NCOA3: variants seen among roughly 807,000 people sequenced by gnomAD.
NCOA3 encodes the protein CBP-interacting protein.
A neutral mutation model predicts 158.8 loss-of-function variants in NCOA3; 51 were observed. That is an observed-to-expected ratio of 0.32 (90% CI 0.26 to 0.41). The LOEUF is 0.41. NCOA3 is among the 10% of genes least tolerant of loss of function. The pLI is 1.00. For missense variants in NCOA3, 1,510 were observed against 1,746.6 expected, an observed-to-expected ratio of 0.86 and a Z score of 2.41; for synonymous variants, 537 against 592.4, an observed-to-expected ratio of 0.91 and a Z score of 1.36.
chr20:47,603,249 T>A (rs1042439291), intron 2 of NCOA3, among the ~76,000 whole-genome samples: 6 of 152,250 alleles, frequency 3.9e-5, no homozygotes, highest in African/African-American at 2.4e-5. Context: ...TTTAGACAAT[T>A]TGCTTAATTT....
chr20:47,605,700 T>C (rs1381362327), intron 2 of NCOA3, among the ~76,000 whole-genome samples: 1 of 152,204 alleles, frequency 6.6e-6, no homozygotes. Context: ...CATGGAGTTA[T>C]TAATTTATTG....
chr20:47,519,083 C>T (rs895514692), intron 1 of NCOA3, among the ~76,000 whole-genome samples: 1 of 151,268 alleles, frequency 6.6e-6, no homozygotes, highest in Non-Finnish European at 1.5e-5. Context: ...TTGCAGTGAG[C>T]CGAGATTGTG....
Position 47,653,069 on chromosome 20 carries a change from T to A in NCOA3, c.4260T>A (p.Asp1420Glu). The A allele has an allele frequency of 6.2e-7, 1 of 1,614,236 alleles. No homozygotes were observed. ...TGTCTGGCATGCCTATGGGTCCTGA[T>A]CAGGTATGGGATCGATTCCTTACCT... Reference protein sequence around the residue: ...MPMSGMPMGPDQKYC With the variant: ...MPMSGMPMGPEQKYC Residue 1420 changes from aspartate to glutamate, a missense_variant, in exon 22 of 23, where the codon GAT becomes GAA. Physicochemically the swap from Asp to Glu is conservative, Grantham distance 45 (BLOSUM62 2). Transcript: ENST00000371998.
chr20:47,577,939 T>C (rs2085396885), intron 1 of NCOA3, among the ~76,000 whole-genome samples: 1 of 152,356 alleles, frequency 6.6e-6, no homozygotes, highest in Middle Eastern at 3.4e-3. Context: ...TGGTAATACC[T>C]GTCTTTATTT....
At chr20:47,653,278 A>G (rs906696159) in intron 22 of NCOA3, 128 bp from the exon 23 acceptor site, 11 of 1,270,946 alleles carry the variant, frequency 8.7e-6, no homozygotes, top group Non-Finnish European at 1.1e-5. Flanking sequence ...ATGGGATCTC[A>G]GGAACCTGAA....
intron 1 of NCOA3, among the ~76,000 whole-genome samples, chr20:47,553,572 C>T (rs1349396894): frequency 7.7e-5 from 11 of 143,108 alleles, no homozygotes; most frequent in East Asian, 6.2e-4. Flanking sequence ...CAACAGTCCC[C>T]GGTGTGTGAT....
chr20:47,537,556 T>C (rs1304764721), intron 1 of NCOA3, among the ~76,000 whole-genome samples: 1 of 151,632 alleles, frequency 6.6e-6, no homozygotes, highest in African/African-American at 2.4e-5. Context: ...AATGACCACC[T>C]ATAAAAACCA....
chr20:47,646,251 A>AT (rs2086684180), intron 17 of NCOA3, among the ~76,000 whole-genome samples: 1 of 152,230 alleles, frequency 6.6e-6, no homozygotes, highest in Non-Finnish European at 1.5e-5. Flanking sequence ...TTAGGGAATT[A>AT]TTATAAGAAG....
chr20:47,530,644 T>C (rs2084530189), intron 1 of NCOA3, among the ~76,000 whole-genome samples: 1 of 152,044 alleles, frequency 6.6e-6, no homozygotes, highest in African/African-American at 2.4e-5. Flanking sequence ...TGTATTTTTT[T>C]AGTAGAGACA....
chr20:47,505,017 T>TTTTTTG (rs2084006800), intron 1 of NCOA3, among the ~76,000 whole-genome samples: 1 of 123,292 alleles, frequency 8.1e-6, no homozygotes, highest in Non-Finnish European at 1.7e-5. Flanking sequence ...TTTTTTTTTT[T>TTTTTTG]TTTTTTTTTT....
intron 1 of NCOA3, among the ~76,000 whole-genome samples, chr20:47,568,630 A>G (rs2085239253): frequency 2.0e-5 from 3 of 152,038 alleles, no homozygotes; most frequent in African/African-American, 2.4e-5. Context: ...ATCTCTACCA[A>G]AACGATGTAA....
intron 1 of NCOA3, among the ~76,000 whole-genome samples, chr20:47,558,075 G>C (rs1041313503): frequency 2.2e-5 from 2 of 89,752 alleles, no homozygotes; most frequent in African/African-American, 8.7e-5. Flanking sequence ...TTTTTTTTTT[G>C]AGATGGAGTC....
At chr20:47,621,688 C>T (rs1218249519) in intron 2 of NCOA3, among the ~76,000 whole-genome samples, 1 of 110,988 alleles carries the variant, frequency 9.0e-6, no homozygotes, top group Non-Finnish European at 1.8e-5. Context: ...GAGTCTAGCT[C>T]TTGTCACCCA....
At chr20:47,519,003 A>T (rs1277834422) in intron 1 of NCOA3, among the ~76,000 whole-genome samples, 1 of 151,416 alleles carries the variant, frequency 6.6e-6, no homozygotes, top group Non-Finnish European at 1.5e-5. Flanking sequence ...GGGCGTGGTG[A>T]CGGGCACCTG....
Position 47,655,312 on chromosome 20 carries a change from A to G in NCOA3, c.*1895A>G, listed in dbSNP as rs1031763929. 1.3e-5 allele frequency: 2 copies of G among 152,214 alleles called. No homozygotes were observed. The highest frequency in any genetic ancestry group is 4.8e-5 in the African/African-American group (2 of 41,454). 9.4% of individuals were successfully genotyped at this position (152,214 alleles called of 1,614,324 possible). On this transcript the variant is annotated 3_prime_UTR_variant, in exon 23 of 23. Transcript: ENST00000371998. ...GGAATTGGGTTTCTGAATGTCTGTG[A>G]ATTTCAGAGGTCTCTGCTAGCCTTG...
chr20:47,572,527 T>C (rs545737043), intron 1 of NCOA3, among the ~76,000 whole-genome samples: 142 of 151,966 alleles, frequency 9.3e-4, no homozygotes, highest in Middle Eastern at 3.4e-3. Context: ...TAATCATTTC[T>C]AGCCCCCCCC....
Position 47,639,756 on chromosome 20 carries a change from C to T in NCOA3, c.2887C>T (p.Leu963Phe), listed in dbSNP as rs188628967. 3 of 1,614,204 alleles carry T rather than the reference C, an allele frequency of 1.9e-6. No homozygotes were observed. Residue 963 changes from leucine to phenylalanine, a missense_variant, in exon 15 of 23, where the codon CTT (leucine) becomes TTT (phenylalanine). Physicochemically the swap from Leu to Phe is conservative, Grantham distance 22. Coordinates refer to ENST00000371998, the MANE Select transcript of NCOA3 (RefSeq NM_181659.3). ...ALGGSIPTLP[L>F]RSNSIPGARP... ...GGGTGGCTCTATTCCCACATTGCCT[C>T]TTCGGTCTAATAGCATACCAGGTGC...
At chr20:47,537,173 A>T (rs1381145418) in intron 1 of NCOA3, among the ~76,000 whole-genome samples, 1 of 152,180 alleles carries the variant, frequency 6.6e-6, no homozygotes, top group Non-Finnish European at 1.5e-5. Context: ...AGGATATGCT[A>T]TCTATCCATA....
At chr20:47,516,919 TAA>T (rs3092586) in intron 1 of NCOA3, among the ~76,000 whole-genome samples, 21,788 of 126,120 alleles carry the variant, frequency 0.17, 2,450 homozygotes, top group African/African-American at 0.35. Context: ...GACCCTGTCT[TAA>T]AAAAAAAAAA....
Sources: gnomAD v4.1 joint callset for allele counts (sites outside exome capture counted in the v4.1 genomes callset) on GRCh38, gnomAD v4.1.1 for gene constraint, MANE v1.5 for transcripts, NCBI Gene and HGNC (gene_info 2026-07-23, HGNC 2026-07-21) for gene names.